Variants in KIAA0513 observed in about 807,000 individuals in gnomAD.
KIAA0513 encodes the protein KIAA0513, also known as uncharacterized protein KIAA0513.
In KIAA0513, 39 loss-of-function variants were observed where a neutral mutation model predicts 56.5. That is an observed-to-expected ratio of 0.69 (90% confidence interval 0.53 to 0.90). KIAA0513 has a LOEUF of 0.90. KIAA0513 is among the 40% of genes least tolerant of loss of function. The pLI, the probability that KIAA0513 is intolerant of heterozygous loss-of-function variation, is 0.00. For missense variants in KIAA0513, 591 were observed against 535.2 expected (o/e 1.10, Z -1.03); for synonymous variants, 268 against 215.6 (o/e 1.24, Z -2.13).
Position 85,065,745 on chromosome 16 carries a change from C to A in KIAA0513, c.-172-1155C>A, listed in dbSNP as rs569666462. Among the ~76,000 whole-genome samples the A allele has an allele frequency of 3.3e-5, 5 of 152,300 alleles. No individual in the cohort carries two copies. The East Asian group carries it at 7.7e-4, about 24-fold the overall frequency. On this transcript the variant is annotated intron_variant, in intron 1 of 12. Transcript: ENST00000683363. ...GGGCTGTGGTTAGAGGTGTGCTCTG[C>A]TCTGAGGGGCTGTCAGGAGGGCGTC...
intron 1 of KIAA0513, among the ~76,000 whole-genome samples, chr16:85,043,040 T>C (rs2073124503): frequency 6.6e-6 from 1 of 152,192 alleles, no homozygotes; most frequent in Admixed American, 6.5e-5. Context: ...TATAAACAAG[T>C]AGTAGGAAAG....
chr16:85,072,182 C>T (rs954143820), intron 3 of KIAA0513, among the ~76,000 whole-genome samples: 1 of 151,978 alleles, frequency 6.6e-6, no homozygotes, highest in East Asian at 1.9e-4. Flanking sequence ...GTGAGGTCCC[C>T]CCTCCCCGCA....
intron 1 of KIAA0513, among the ~76,000 whole-genome samples, chr16:85,057,960 G>A (rs1567531485): frequency 6.6e-6 from 1 of 152,104 alleles, no homozygotes; most frequent in Non-Finnish European, 1.5e-5. Context: ...TTACTGGGCA[G>A]TGCTCCCCAC....
In KIAA0513 at chr16:85,072,935, C is replaced by T; in HGVS notation, c.440C>T (p.Ser147Phe). Residue 147 changes from serine to phenylalanine, a missense_variant, in exon 4 of 13, where the codon TCC (serine) becomes TTC (phenylalanine). Physicochemically the swap from Ser to Phe is radical, Grantham distance 155 (BLOSUM62 -2). Transcript: ENST00000683363. ...ARYVSAQRCN[S>F]KCVSEATFYR... ...CCTCTTTCTGGACAGCGCTGCAACTCCAAGTGTGTCTCAGAGGCAACCTTC... is the reference window on the plus strand; with the variant it reads ...CCTCTTTCTGGACAGCGCTGCAACTTCAAGTGTGTCTCAGAGGCAACCTTC... The T allele has an allele frequency of 6.2e-7, 1 of 1,614,184 alleles. No homozygotes were observed. Among genetic ancestry groups the T allele is most frequent in the Non-Finnish European group, 8.5e-7 (1 of 1,180,010 alleles).
intron 10 of KIAA0513, among the ~76,000 whole-genome samples, chr16:85,083,805 G>A (rs991147733): frequency 9.2e-5 from 14 of 152,206 alleles, no homozygotes; most frequent in Non-Finnish European, 2.9e-5. Context: ...GGCAGGGGGC[G>A]AGGTTGGCTC....
chr16:85,038,109 C>T (rs1214904666), intron 1 of KIAA0513, among the ~76,000 whole-genome samples: 6 of 152,202 alleles, frequency 3.9e-5, no homozygotes, highest in African/African-American at 9.7e-5. Context: ...GTCCCTGTAG[C>T]CCTCCCACCC....
intron 1 of KIAA0513, among the ~76,000 whole-genome samples, chr16:85,056,280 G>C (rs562771830): frequency 6.6e-6 from 1 of 152,182 alleles, no homozygotes; most frequent in South Asian, 2.1e-4. Context: ...CCATCAGCGC[G>C]GCGTTAGAAA....
Position 85,077,630 on chromosome 16 carries a change from C to A in KIAA0513, c.780C>A (p.Asn260Lys). 1 of 1,606,840 alleles carries A rather than the reference C, an allele frequency of 6.2e-7. No homozygotes were observed. Among genetic ancestry groups the A allele is most frequent in the East Asian group, 2.2e-5 (1 of 44,796 alleles). The change falls in exon 6 of 13, where the codon AAC (asparagine) becomes AAA (lysine). Residue 260 changes from asparagine (N) to lysine (K), a missense_variant and splice_region_variant. By Grantham distance (94) the Asn-to-Lys change is moderately conservative (BLOSUM62 0). Transcript: ENST00000683363. ...TKLKGPLARR[N>K]EEDENKPQEK... ...TGAAGGGGCCCCTGGCCAGGAGGAACGAGTACGTGTGGCCTTGGGGTCCCT... is the reference window on the plus strand; with the variant it reads ...TGAAGGGGCCCCTGGCCAGGAGGAAAGAGTACGTGTGGCCTTGGGGTCCCT...
chr16:85,049,836 G>C (rs1411090732), intron 1 of KIAA0513, among the ~76,000 whole-genome samples: 1 of 152,132 alleles, frequency 6.6e-6, no homozygotes, highest in Non-Finnish European at 1.5e-5. Context: ...CATAAGGCCC[G>C]AGTCCTGCAT....
At position 85,082,453 on chromosome 16, in the gene KIAA0513, C is replaced by G. The variant is rs1241648674; in HGVS notation, c.981-111C>G. On this transcript the variant is annotated intron_variant, in intron 9 of 12. Coordinates refer to ENST00000683363, the MANE Select transcript of KIAA0513 (RefSeq NM_001388359.1). ...AATATTCCTGTCTTTCTCTGTCCCG[C>G]TCCGTTTCTGCCTGTAATAACCCTC... The G allele has an allele frequency of 8.8e-6, 9 of 1,018,390 alleles. No individual in the cohort carries two copies. The Admixed American group carries it at 1.7e-4, about 19-fold the overall frequency. The allele number at this position is 1,018,390 out of a possible 1,614,324, so 63.1% of individuals were successfully genotyped here.
intron 8 of KIAA0513, among the ~76,000 whole-genome samples, chr16:85,080,387 G>A (rs1305659982): frequency 2.6e-5 from 4 of 152,214 alleles, no homozygotes; most frequent in Admixed American, 1.3e-4. Flanking sequence ...CACCAGAGAC[G>A]TTGTATAAAT....
chr16:85,071,504 G>C (rs566135067), intron 2 of KIAA0513, among the ~76,000 whole-genome samples: 76 of 152,314 alleles, frequency 5.0e-4, no homozygotes, highest in African/African-American at 1.8e-3. Flanking sequence ...CGCAGGGGAA[G>C]GACATGGGCT....
rs992917816 is a variant in KIAA0513 at position 85,067,262 on chromosome 16, C to T, written c.191C>T (p.Pro64Leu). The T allele has an allele frequency of 2.5e-6, 4 of 1,613,960 alleles. No homozygotes were observed. The highest frequency in any genetic ancestry group is 3.3e-5 in the Admixed American group (2 of 59,998). Residue 64 changes from proline (P) to leucine (L), a missense_variant, in exon 2 of 13, where the codon CCG becomes CTG. Physicochemically the swap from Pro to Leu is moderately conservative, Grantham distance 98. Coordinates refer to ENST00000683363, the MANE Select transcript of KIAA0513 (RefSeq NM_001388359.1). Reference sequence around the variant, plus strand: ...GACATGGGCGAGTCGCCCTCGCACCCGTCCTGGGACCAAGACCGCCGTTCC... The same window carrying T: ...GACATGGGCGAGTCGCCCTCGCACCTGTCCTGGGACCAAGACCGCCGTTCC... ...ENDMGESPSHPSWDQDRRSSS... is the reference protein window; with the variant it reads ...ENDMGESPSHLSWDQDRRSSS...
Position 85,071,768 on chromosome 16 carries a change from T to TTG in KIAA0513, c.330-14_330-13insGT. On this transcript the variant is annotated splice_polypyrimidine_tract_variant and intron_variant, in intron 2 of 12. Coordinates refer to ENST00000683363, the MANE Select transcript of KIAA0513 (RefSeq NM_001388359.1). ...TTTTTTTTTTTTTTCCTCTGCTCTT[T>TTG]TTTTTTTTTTTTAGGGAGGACTTGG... The TTG allele has an allele frequency of 3.4e-6, 5 of 1,460,126 alleles. No homozygotes were observed. The highest frequency in any genetic ancestry group is 4.6e-6 in the Non-Finnish European group (5 of 1,082,292). The allele number at this position is 1,460,126 out of a possible 1,614,324, so 90.4% of individuals were successfully genotyped here.
chr16:85,084,568 T>C (rs2073787382), intron 10 of KIAA0513, among the ~76,000 whole-genome samples: 1 of 152,146 alleles, frequency 6.6e-6, no homozygotes, highest in African/African-American at 2.4e-5. Context: ...TAGCTGGGAT[T>C]AGAGGCACCC....
chr16:85,070,070 C>G (rs1287766531), intron 2 of KIAA0513, among the ~76,000 whole-genome samples: 2 of 150,922 alleles, frequency 1.3e-5, no homozygotes, highest in Non-Finnish European at 2.9e-5. Context: ...ACTCAGGAGG[C>G]TGAGGTTGGG....
intron 10 of KIAA0513, among the ~76,000 whole-genome samples, chr16:85,083,755 C>G (rs1273216839): frequency 2.6e-5 from 4 of 152,220 alleles, no homozygotes; most frequent in Non-Finnish European, 5.9e-5. Flanking sequence ...TGAGCCTTCC[C>G]CAGAAGAAGG....
intron 1 of KIAA0513, among the ~76,000 whole-genome samples, chr16:85,036,845 C>T (rs1401471825): frequency 6.6e-6 from 1 of 152,142 alleles, no homozygotes; most frequent in Non-Finnish European, 1.5e-5. Context: ...CTTCATAGCT[C>T]CCAGAAGGAA....
chr16:85,034,130 G>A lies in KIAA0513; in HGVS notation c.-173+6272G>A, dbSNP rs951933396. Among the ~76,000 whole-genome samples, 12 of 152,070 alleles carry A rather than the reference G, an allele frequency of 7.9e-5. 1 individual carries two copies. The highest frequency in any genetic ancestry group is 2.9e-4 in the African/African-American group (12 of 41,400). ...ATGGTGGCTGATGCCTGTAATCCCA[G>A]CACTTTGGGAGGCGGAGGCAGGTGG... On this transcript the variant is annotated intron_variant, in intron 1 of 12. Coordinates refer to ENST00000683363, the MANE Select transcript of KIAA0513 (RefSeq NM_001388359.1).
Sources: gnomAD v4.1 joint callset for allele counts (sites outside exome capture counted in the v4.1 genomes callset) on GRCh38, gnomAD v4.1.1 for gene constraint, MANE v1.5 for transcripts, NCBI Gene and HGNC (gene_info 2026-07-23, HGNC 2026-07-21) for gene names.